ULK4: variants seen among roughly 807,000 people sequenced by gnomAD.
ULK4 encodes the protein unc-51 like kinase 4, also known as inactive serine/threonine-protein kinase ULK4.
A neutral mutation model predicts 160.6 loss-of-function variants in ULK4; 133 were observed. The observed-to-expected ratio is 0.83, with a 90% CI of 0.72 to 0.96. The LOEUF (loss-of-function observed/expected upper bound fraction) is 0.96, where lower values mean the gene tolerates loss of function less well. ULK4 is among the 40% of genes least tolerant of loss of function. The pLI, the probability that ULK4 is intolerant of heterozygous loss-of-function variation, is 0.00. For synonymous variants in ULK4, 534 were observed against 539.8 expected (o/e 0.99, Z 0.15); for missense variants, 1,580 against 1,499.5 (o/e 1.05, Z -0.89).
chr3:41,888,887 A>G (rs73087368), intron 16 of ULK4, among the ~76,000 whole-genome samples: 18,903 of 152,242 alleles, frequency 0.12, 1,360 homozygotes, highest in Middle Eastern at 0.27. Context: ...ATTAAAGTCA[A>G]CCAGTCAGCA....
At chr3:41,685,368 G>C (rs1056887451) in intron 27 of ULK4, among the ~76,000 whole-genome samples, 8 of 152,132 alleles carry the variant, frequency 5.3e-5, no homozygotes, top group Admixed American at 2.6e-4. Flanking sequence ...ACCCTCACCA[G>C]AGCATTCTTT....
Position 41,565,960 on chromosome 3 carries a change from G to A in ULK4, c.3226+65C>T, listed in dbSNP as rs554457139. 19 of 1,251,116 alleles carry A rather than the reference G, an allele frequency of 1.5e-5. No homozygotes were observed. The East Asian group carries it at 2.6e-4, about 17-fold the overall frequency. 77.5% of individuals were successfully genotyped at this position (1,251,116 alleles called of 1,614,324 possible). A position where few individuals can be genotyped will look rare whatever the true frequency, so the allele number is the denominator to read the frequency against. ...TTTAAGTGGTACTTCTAGACTCCAC[G>A]CTATATAAGATGAAGAAATGAATAG... On this transcript the variant is annotated intron_variant, in intron 32 of 36. Coordinates refer to ENST00000301831, the MANE Select transcript of ULK4 (RefSeq NM_017886.4).
chr3:41,951,540 C>T (rs1700296557), intron 2 of ULK4, among the ~76,000 whole-genome samples: 1 of 152,140 alleles, frequency 6.6e-6, no homozygotes, highest in Non-Finnish European at 1.5e-5. Flanking sequence ...GAAATAAACC[C>T]TCACACATAT....
rs188410813 is a variant in ULK4, at chr3:41,433,151, T to A, written c.3492+22346A>T. On this transcript the variant is annotated intron_variant, in intron 34 of 36. Transcript: ENST00000301831. ...AGTTCTTACGAATCAATGAAAGAGG[T>A]AAACTAAGTAGAAAAACATGAGCAA... is the stretch of plus-strand genomic sequence containing the variant. 1.2e-3 allele frequency among the ~76,000 whole-genome samples: 175 copies of A among 152,110 alleles called. 1 individual carries two copies. The highest frequency in any genetic ancestry group is 4.0e-3 in the African/African-American group (167 of 41,486).
At chr3:41,362,479 A>G (rs1267749583) in intron 35 of ULK4, among the ~76,000 whole-genome samples, 1 of 152,254 alleles carries the variant, frequency 6.6e-6, no homozygotes, top group Non-Finnish European at 1.5e-5. Context: ...TATCATATAC[A>G]GTATACATGT....
chr3:41,395,599 T>C (rs2082042765), intron 35 of ULK4, among the ~76,000 whole-genome samples: 1 of 152,096 alleles, frequency 6.6e-6, no homozygotes, highest in African/African-American at 2.4e-5. Flanking sequence ...GAAAGTCGAA[T>C]GGTGGTTATC....
intron 35 of ULK4, among the ~76,000 whole-genome samples, chr3:41,305,684 G>A (rs1034128047): frequency 1.4e-5 from 2 of 139,096 alleles, no homozygotes; most frequent in African/African-American, 3.0e-5. Context: ...GCCGCCCATC[G>A]TCTGGGATGT....
intron 2 of ULK4, among the ~76,000 whole-genome samples, chr3:41,945,733 C>T (rs57862241): frequency 0.046 from 7,040 of 152,258 alleles, 485 homozygotes; most frequent in African/African-American, 0.16. Context: ...GCCTAAACTG[C>T]AGACTCAAAG....
chr3:41,774,058 T>G (rs113234553), intron 21 of ULK4, among the ~76,000 whole-genome samples: 6,447 of 143,148 alleles, frequency 0.045, 431 homozygotes, highest in African/African-American at 0.15. Context: ...TTACACCTTA[T>G]ACAAAAATCA....
chr3:41,377,125 A>C (rs1402164870), intron 35 of ULK4, among the ~76,000 whole-genome samples: 1 of 152,216 alleles, frequency 6.6e-6, no homozygotes, highest in African/African-American at 2.4e-5. Flanking sequence ...GAAATTGGGA[A>C]AGGATTCCCT....
intron 27 of ULK4, among the ~76,000 whole-genome samples, chr3:41,699,422 A>G (rs767620814): frequency 6.6e-6 from 1 of 152,216 alleles, no homozygotes; most frequent in Non-Finnish European, 1.5e-5. Flanking sequence ...CAAATTATGT[A>G]TACTGCAGCC....
At chr3:41,493,671 T>A (rs1388893106) in intron 32 of ULK4, among the ~76,000 whole-genome samples, 1 of 150,336 alleles carries the variant, frequency 6.7e-6, no homozygotes, top group Admixed American at 6.7e-5. Context: ...ACAAAATTGA[T>A]AGACTGCTAG....
chr3:41,475,600 C>G (rs967095617), intron 32 of ULK4, among the ~76,000 whole-genome samples: 1 of 151,888 alleles, frequency 6.6e-6, no homozygotes, highest in African/African-American at 2.4e-5. Context: ...CATAAATATA[C>G]AACTATAATT....
At chr3:41,626,656 C>G (rs1299525417) in intron 30 of ULK4, among the ~76,000 whole-genome samples, 29 of 151,864 alleles carry the variant, frequency 1.9e-4, no homozygotes, top group Non-Finnish European at 2.9e-5. Context: ...ACCCGAGTAG[C>G]TAGGACTACA....
chr3:41,370,406 C>A (rs1559550150), intron 35 of ULK4, among the ~76,000 whole-genome samples: 1 of 152,278 alleles, frequency 6.6e-6, no homozygotes, highest in East Asian at 1.9e-4. Context: ...CCCAGCAAGA[C>A]CAACCCAGAA....
intron 32 of ULK4, among the ~76,000 whole-genome samples, chr3:41,496,342 A>G (rs927172205): frequency 3.3e-5 from 5 of 152,122 alleles, no homozygotes; most frequent in African/African-American, 1.2e-4. Context: ...TAGACAAAAT[A>G]TATCAGGCAA....
At position 41,898,492 on chromosome 3, in the gene ULK4, T is replaced by C. The variant is rs376798258; in HGVS notation, c.1288A>G (p.Ile430Val). ...VVTPIIDNPK[I>V]MKQPPVKFDA... ...AATTTAACTGGTGGCTGTTTCATTA[T>C]CTGTGGTTTAAAAAAAAAGAAAGCT... is the stretch of plus-strand genomic sequence containing the variant. The change falls in exon 14 of 37, where the codon ATA (isoleucine) becomes GTA (valine). Residue 430 changes from isoleucine (I) to valine (V), a missense_variant and splice_region_variant. Physicochemically the swap from Ile to Val is conservative, Grantham distance 29 (BLOSUM62 3). Coordinates refer to ENST00000301831, the MANE Select transcript of ULK4 (RefSeq NM_017886.4). The C allele has an allele frequency of 9.5e-6, 15 of 1,586,644 alleles. No homozygotes were observed. In the African/African-American group the frequency reaches 1.4e-4, roughly 14 times the overall value.
intron 16 of ULK4, among the ~76,000 whole-genome samples, chr3:41,884,284 C>G (rs1482977587): frequency 6.6e-6 from 1 of 152,138 alleles, no homozygotes; most frequent in Admixed American, 6.5e-5. Context: ...CCTTTTATTG[C>G]TGAGTACAGA....
At chr3:41,757,912 C>A (rs777873893) in intron 21 of ULK4, among the ~76,000 whole-genome samples, 4 of 152,114 alleles carry the variant, frequency 2.6e-5, no homozygotes, top group Non-Finnish European at 4.4e-5. Flanking sequence ...CAGGCGTGAG[C>A]CACCATGCCT....
Sources: allele counts gnomAD v4.1 joint callset (sites outside exome capture counted in the v4.1 genomes callset), GRCh38; gene constraint gnomAD v4.1.1; transcripts MANE v1.5; gene names NCBI Gene and HGNC (gene_info 2026-07-23, HGNC 2026-07-21).